NRXN1: variants seen among roughly 807,000 people sequenced by gnomAD.
The protein encoded by NRXN1 is neurexin-1.
A neutral mutation model predicts 150.9 loss-of-function variants in NRXN1; 39 were observed. The observed-to-expected ratio is 0.26, with a 90% CI of 0.20 to 0.34. The LOEUF is 0.34. Ranked by LOEUF, NRXN1 falls within the 10% of genes least tolerant of loss-of-function variation. NRXN1 has a pLI of 1.00. For missense variants in NRXN1, 1,815 were observed against 1,949.9 expected, an observed-to-expected ratio of 0.93 and a Z score of 1.30; for synonymous variants, 924 against 757.0, an observed-to-expected ratio of 1.22 and a Z score of -3.62.
intron 18 of NRXN1, among the ~76,000 whole-genome samples, chr2:50,096,344 T>A (rs553139037): frequency 7.2e-5 from 11 of 152,328 alleles, no homozygotes; most frequent in African/African-American, 2.4e-4. Context: ...ACTATAGATA[T>A]TCTTACAACA....
chr2:50,666,994 T>C (rs781073477), intron 5 of NRXN1, among the ~76,000 whole-genome samples: 1 of 151,844 alleles, frequency 6.6e-6, no homozygotes, highest in African/African-American at 2.4e-5. Flanking sequence ...AGAAATCCAG[T>C]GAAAAATAAC....
At chr2:50,378,959 C>A (rs1044069497) in intron 17 of NRXN1, among the ~76,000 whole-genome samples, 2 of 152,018 alleles carry the variant, frequency 1.3e-5, no homozygotes, top group East Asian at 3.9e-4. Flanking sequence ...TGTAAACATT[C>A]TTAGATTTTC....
At chr2:50,287,727 C>T (rs1473528520) in intron 17 of NRXN1, among the ~76,000 whole-genome samples, 3 of 152,042 alleles carry the variant, frequency 2.0e-5, no homozygotes, top group Admixed American at 1.3e-4. Flanking sequence ...TTTAAAAGTA[C>T]ATTTTAAACA....
chr2:50,285,934 T>C (rs547032014), intron 17 of NRXN1, among the ~76,000 whole-genome samples: 7 of 152,020 alleles, frequency 4.6e-5, no homozygotes, highest in Admixed American at 6.6e-5. Flanking sequence ...TCAACTGTTA[T>C]AGAGAATAAT....
At chr2:50,083,268 A>G (rs1039543388) in intron 19 of NRXN1, among the ~76,000 whole-genome samples, 1 of 152,228 alleles carries the variant, frequency 6.6e-6, no homozygotes, top group Admixed American at 6.5e-5. Flanking sequence ...AGCCTAGTTG[A>G]TATAATATCC....
chr2:50,850,447 T>C (rs571243367), intron 5 of NRXN1, among the ~76,000 whole-genome samples: 1 of 152,220 alleles, frequency 6.6e-6, no homozygotes, highest in African/African-American at 2.4e-5. Flanking sequence ...AGTCAGCCTG[T>C]GGTAGTCACC....
intron 5 of NRXN1, among the ~76,000 whole-genome samples, chr2:50,755,673 C>A (rs977045676): frequency 6.6e-6 from 1 of 151,844 alleles, no homozygotes; most frequent in Non-Finnish European, 1.5e-5. Context: ...AGAATGTTTT[C>A]TAATCCCATG....
intron 5 of NRXN1, among the ~76,000 whole-genome samples, chr2:50,658,780 T>C (rs1382096788): frequency 6.6e-6 from 1 of 151,986 alleles, no homozygotes; most frequent in Non-Finnish European, 1.5e-5. Context: ...TAAAGGTGCT[T>C]CCTTTTATCC....
intron 5 of NRXN1, among the ~76,000 whole-genome samples, chr2:50,889,607 A>C (rs1239231007): frequency 6.6e-6 from 1 of 151,708 alleles, no homozygotes; most frequent in Non-Finnish European, 1.5e-5. Context: ...TTTACATTCA[A>C]ATATAACTTG....
chr2:50,754,178 T>G (rs1700928061), intron 5 of NRXN1, among the ~76,000 whole-genome samples: 1 of 151,846 alleles, frequency 6.6e-6, no homozygotes, highest in African/African-American at 2.4e-5. Context: ...GAAAAGTCAT[T>G]TAGTAGTTTA....
intron 5 of NRXN1, among the ~76,000 whole-genome samples, chr2:50,738,482 T>C (rs1364673460): frequency 6.6e-6 from 1 of 152,204 alleles, no homozygotes; most frequent in Non-Finnish European, 1.5e-5. Context: ...ACTTTTGTTT[T>C]TCAGTAACAG....
In NRXN1 at chr2:50,989,020, T is replaced by C. The variant is rs545996782; in HGVS notation, c.772+38482A>G. On this transcript the variant is annotated intron_variant, in intron 2 of 22. Coordinates refer to ENST00000401669, the MANE Select transcript of NRXN1 (RefSeq NM_001330078.2). ...CCCCATATTTTCCCCTATTTTTCTT[T>C]TTTAAAAAAAATCCAGGAACTTGCG... Among the ~76,000 whole-genome samples the C allele has an allele frequency of 3.3e-5, 5 of 152,066 alleles. No homozygotes were observed. In the East Asian group the frequency reaches 9.7e-4, roughly 30 times the overall value.
At chr2:50,408,592 T>C (rs1397222062) in intron 17 of NRXN1, among the ~76,000 whole-genome samples, 2 of 152,194 alleles carry the variant, frequency 1.3e-5, no homozygotes, top group East Asian at 3.9e-4. Context: ...GTGAAAAATA[T>C]GCTCTGCAAT....
At chr2:50,822,438 T>G (rs1180791678) in intron 5 of NRXN1, among the ~76,000 whole-genome samples, 1 of 152,102 alleles carries the variant, frequency 6.6e-6, no homozygotes, top group Non-Finnish European at 1.5e-5. Context: ...GTCTTAAAAA[T>G]AAATATTTTT....
chr2:50,275,801 T>C (rs2070360158), intron 17 of NRXN1, among the ~76,000 whole-genome samples: 1 of 152,122 alleles, frequency 6.6e-6, no homozygotes, highest in Non-Finnish European at 1.5e-5. Flanking sequence ...GCCTAATCTT[T>C]GTCTCCTGGA....
intron 18 of NRXN1, among the ~76,000 whole-genome samples, chr2:50,148,355 A>T (rs2058487723): frequency 6.6e-6 from 1 of 151,542 alleles, no homozygotes; most frequent in Non-Finnish European, 1.5e-5. Flanking sequence ...TACTTCATGA[A>T]GTCTCTATAA....
intron 5 of NRXN1, among the ~76,000 whole-genome samples, chr2:50,877,432 T>C (rs1174425568): frequency 6.6e-6 from 1 of 151,884 alleles, no homozygotes; most frequent in African/African-American, 2.4e-5. Context: ...AGACTTTTTC[T>C]CTGCCTGCTC....
chr2:50,487,061 G>T (rs1410113681), intron 15 of NRXN1, among the ~76,000 whole-genome samples: 1 of 152,054 alleles, frequency 6.6e-6, no homozygotes, highest in Non-Finnish European at 1.5e-5. Context: ...ACCTCCCCAA[G>T]CCTCATGTTA....
At chr2:50,987,014 C>T (rs1697830137) in intron 2 of NRXN1, among the ~76,000 whole-genome samples, 1 of 151,784 alleles carries the variant, frequency 6.6e-6, no homozygotes. Flanking sequence ...TTTCTATATG[C>T]TATTCATCTT....
Sources: gnomAD v4.1 joint callset for allele counts (sites outside exome capture counted in the v4.1 genomes callset) on GRCh38, gnomAD v4.1.1 for gene constraint, MANE v1.5 for transcripts, NCBI Gene and HGNC (gene_info 2026-07-23, HGNC 2026-07-21) for gene names.